The following PYGB variants were observed in gnomAD, a reference collection of about 807,000 sequenced individuals.
PYGB encodes glycogen phosphorylase, brain form.
PYGB carries 82 observed loss-of-function variants against 94.3 expected under a neutral mutation model. The ratio of observed to expected loss-of-function variants is 0.87; its 90% CI spans 0.73 to 1.04. PYGB has a LOEUF of 1.04. PYGB is among the 50% of genes least tolerant of loss of function. The pLI is 0.00. For synonymous variants in PYGB, 488 were observed against 479.1 expected, an observed-to-expected ratio of 1.02 and a Z score of -0.24; for missense variants, 1,132 against 1,158.2, an observed-to-expected ratio of 0.98 and a Z score of 0.33.
intron 2 of PYGB, among the ~76,000 whole-genome samples, chr20:25,264,239 AAAACTCTCAAT>A (rs1316019977): frequency 6.6e-6 from 1 of 152,244 alleles, no homozygotes; most frequent in Non-Finnish European, 1.5e-5. Context: ...CTTCATGCCA[AAAACTCTCAAT>A]AAACTAGGTA....
chr20:25,260,658 C>CGTG, intron 2 of PYGB, among the ~76,000 whole-genome samples: 1 of 152,216 alleles, frequency 6.6e-6, no homozygotes, highest in East Asian at 1.9e-4. Context: ...AGCGTGAGAG[C>CGTG]ATGAGCTAAA....
intron 7 of PYGB, 131 bp downstream of exon 7, chr20:25,277,457 G>A (rs765751839): frequency 7.5e-5 from 58 of 778,440 alleles, no homozygotes; most frequent in East Asian, 1.8e-4. Flanking sequence ...TGGCCCTCTC[G>A]CCTTAGGTGC....
intron 19 of PYGB, among the ~76,000 whole-genome samples, 162 bp downstream of exon 19, chr20:25,295,832 A>C (rs2088533751): frequency 6.6e-6 from 1 of 152,222 alleles, no homozygotes; most frequent in African/African-American, 2.4e-5. Flanking sequence ...CCTTTAGGGA[A>C]GCTGTCACTG....
Position 25,282,149 on chromosome 20 carries a change from T to G in PYGB, c.1518+2T>G, listed in dbSNP as rs772394360. 3 of 1,607,940 alleles carry G rather than the reference T, an allele frequency of 1.9e-6. No homozygotes were observed. The highest frequency in any genetic ancestry group is 1.3e-5 in the African/African-American group (1 of 74,738). The stretch of plus-strand genomic sequence containing the variant: ...GGGCTGGCCGATACCATCGTGGAGG[T>G]GAGTCCCGGGCCCCACCCGTGCCTG... On this transcript the variant is annotated splice_donor_variant, in intron 12 of 19. Transcript: ENST00000216962. LOFTEE classifies it high-confidence loss of function.
intron 16 of PYGB, among the ~76,000 whole-genome samples, chr20:25,291,169 C>T (rs1377796187): frequency 7.2e-5 from 11 of 152,228 alleles, no homozygotes; most frequent in African/African-American, 2.4e-4. Flanking sequence ...CTTGGGCCCA[C>T]CAGTGATCTC....
intron 7 of PYGB, 49 bp from the exon 8 acceptor site, chr20:25,278,270 G>A (rs200339035): frequency 8.2e-6 from 13 of 1,589,312 alleles, no homozygotes; most frequent in Non-Finnish European, 1.1e-5. Flanking sequence ...CTTCCTGGGG[G>A]AGGAGAATGG....
chr20:25,293,608 T>C (rs1234205608), intron 17 of PYGB, among the ~76,000 whole-genome samples: 2 of 152,246 alleles, frequency 1.3e-5, no homozygotes, highest in African/African-American at 2.4e-5. Context: ...CACAGAGGCC[T>C]GTGCTCCCTT....
intron 7 of PYGB, 77 bp from the exon 8 acceptor site, chr20:25,278,242 C>G: frequency 1.5e-6 from 1 of 678,714 alleles, no homozygotes; most frequent in East Asian, 2.0e-4. Context: ...CACCTTTGAG[C>G]CAGGTCGCTG....
In PYGB at chr20:25,296,775, T is replaced by G; in HGVS notation, c.*253T>G. 1 of 490,590 alleles carries G rather than the reference T, an allele frequency of 2.0e-6. No individual in the cohort carries two copies. Among genetic ancestry groups the G allele is most frequent in the Non-Finnish European group, 3.6e-6 (1 of 278,590 alleles). The allele number at this position is 490,590 out of a possible 1,614,324, so 30.4% of individuals were successfully genotyped here. ...AAGGGTCGTGGCCAGCCCTGCAGCT[T>G]CAGCACCTGCCCCACCCAGAGTGGG... On this transcript the variant is annotated 3_prime_UTR_variant, in exon 20 of 20. Coordinates refer to ENST00000216962, the MANE Select transcript of PYGB (RefSeq NM_002862.4).
chr20:25,271,634 A>G, intron 4 of PYGB, 148 bp downstream of exon 4: 1 of 832,530 alleles, frequency 1.2e-6, no homozygotes, highest in Non-Finnish European at 1.9e-6. Flanking sequence ...TCAGGGTAGC[A>G]TCCTTGCTCC....
rs201325092 is a variant in PYGB at position 25,283,166 on chromosome 20, C to G, written c.1519-10C>G. 1.9e-6 allele frequency: 3 copies of G among 1,609,064 alleles called. No homozygotes were observed. Among genetic ancestry groups the G allele is most frequent in the South Asian group, 1.1e-5 (1 of 90,954 alleles). ...AGGCCCACAGTGAGCGGAACCTTTA[C>G]GTTCTCCAGAAAATTGGGGAGGAGT... On this transcript the variant is annotated splice_polypyrimidine_tract_variant and intron_variant, in intron 12 of 19. Coordinates refer to ENST00000216962, the MANE Select transcript of PYGB (RefSeq NM_002862.4).
At chr20:25,262,862 A>G (rs1287848573) in intron 2 of PYGB, among the ~76,000 whole-genome samples, 2 of 152,222 alleles carry the variant, frequency 1.3e-5, no homozygotes, top group Non-Finnish European at 2.9e-5. Context: ...ATCAAAAGAG[A>G]CAAAGAAGGC....
chr20:25,285,046 A>G (rs1233857766), intron 14 of PYGB: 1 of 152,190 alleles, frequency 6.6e-6, no homozygotes, highest in African/African-American at 2.4e-5. Flanking sequence ...TTCCGATACA[A>G]AGCTCCTCCC....
At position 25,292,386 on chromosome 20, in the gene PYGB, C is replaced by T; in HGVS notation, c.1970-20C>T. 1 of 1,609,902 alleles carries T rather than the reference C, an allele frequency of 6.2e-7. No homozygotes were observed. Among genetic ancestry groups the T allele is most frequent in the Non-Finnish European group, 8.5e-7 (1 of 1,179,568 alleles). ...ATTGGGGTCCTCACAGTGATCCCCT[C>T]CACGGGCTCCCCTCCACAGTGATCC... On this transcript the variant is annotated intron_variant, in intron 16 of 19. Transcript: ENST00000216962.
intron 12 of PYGB, among the ~76,000 whole-genome samples, chr20:25,282,753 AGGAGAGGT>A (rs2088380122): frequency 6.6e-6 from 1 of 152,162 alleles, no homozygotes; most frequent in Non-Finnish European, 1.5e-5. Flanking sequence ...GGGTACAGTG[AGGAGAGGT>A]GGCCGAGTGT....
chr20:25,277,477 G>A lies in PYGB; in HGVS notation c.855+151G>A. On this transcript the variant is annotated intron_variant, in intron 7 of 19. Transcript: ENST00000216962. ...CTCTCGCCTTAGGTGCACACACGAT[G>A]CCCTTGGGGAGGAGAGGGTGCACTG... 3 of 685,542 alleles carry A rather than the reference G, an allele frequency of 4.4e-6. 1 individual carries two copies. The highest frequency in any genetic ancestry group is 3.7e-5 in the South Asian group (2 of 54,066). The allele number at this position is 685,542 out of a possible 1,614,324, so 42.5% of individuals were successfully genotyped here. A position where few individuals can be genotyped will look rare whatever the true frequency, so the allele number is the denominator to read the frequency against.
At chr20:25,269,006 A>T in intron 2 of PYGB, 123 bp from the exon 3 acceptor site, 1 of 790,240 alleles carries the variant, frequency 1.3e-6, no homozygotes, top group Non-Finnish European at 2.1e-6. Context: ...TGAATTTTCA[A>T]GTCTAACAGA....
chr20:25,262,773 C>G (rs990673603), intron 2 of PYGB, among the ~76,000 whole-genome samples: 27 of 151,994 alleles, frequency 1.8e-4, no homozygotes, highest in African/African-American at 6.5e-4. Flanking sequence ...GGAGGAAGAT[C>G]TACCAAGCAA....
rs534558741 is a variant in PYGB, at chr20:25,281,887, G to A, written c.1404-146G>A. On this transcript the variant is annotated intron_variant, in intron 11 of 19. Transcript: ENST00000216962. ...ATGGCTCCCAGAGCCTGCAGCTGCC[G>A]CGGTCACTCTGTTCTCCTTAGAAAA... 8.6e-5 allele frequency: 58 copies of A among 672,044 alleles called. No homozygotes were observed. In the South Asian group the frequency reaches 9.1e-4, roughly 11 times the overall value. The allele number at this position is 672,044 out of a possible 1,614,324, so 41.6% of individuals were successfully genotyped here.
Sources: allele counts gnomAD v4.1 joint callset (sites outside exome capture counted in the v4.1 genomes callset), GRCh38; gene constraint gnomAD v4.1.1; transcripts MANE v1.5; gene names NCBI Gene and HGNC (gene_info 2026-07-23, HGNC 2026-07-21).